UCHL3: variants seen among roughly 807,000 people sequenced by gnomAD.
UCHL3 encodes ubiquitin carboxyl-terminal hydrolase isozyme L3.
In UCHL3, 22 loss-of-function variants were observed where a neutral mutation model predicts 35.8. The ratio of observed to expected loss-of-function variants is 0.61; its 90% CI spans 0.44 to 0.88. The LOEUF (loss-of-function observed/expected upper bound fraction) is 0.88, where lower values mean the gene tolerates loss of function less well. Ranked by LOEUF, UCHL3 falls within the 40% of genes least tolerant of loss-of-function variation. The probability of loss-of-function intolerance (pLI) is 0.00; values close to 1 mark genes in which losing one functional copy is unlikely to be tolerated. For synonymous variants in UCHL3, 90 were observed against 92.8 expected (o/e 0.97, Z 0.17); for missense variants, 229 against 276.9 (o/e 0.83, Z 1.23).
At chr13:75,567,111 A>G (rs1166666660) in intron 4 of UCHL3, 116 bp from the exon 5 acceptor site, 27 of 1,006,322 alleles carry the variant, frequency 2.7e-5, no homozygotes, top group Non-Finnish European at 3.8e-5. Flanking sequence ...TTACATTTCT[A>G]ACCTACCAAT....
intron 2 of UCHL3, among the ~76,000 whole-genome samples, chr13:75,551,373 T>C (rs1380706866): frequency 6.6e-6 from 1 of 151,326 alleles, no homozygotes; most frequent in African/African-American, 2.4e-5. Context: ...GGAGGTTGCA[T>C]TGAGCCGAGA....
chr13:75,562,674 C>G (rs949812222), intron 3 of UCHL3, among the ~76,000 whole-genome samples: 1 of 151,988 alleles, frequency 6.6e-6, no homozygotes, highest in Non-Finnish European at 1.5e-5. Context: ...GATTTGATCT[C>G]TTTCATTTAG....
chr13:75,596,735 G>C (rs1456336785), intron 7 of UCHL3, among the ~76,000 whole-genome samples: 3 of 152,070 alleles, frequency 2.0e-5, no homozygotes, highest in Non-Finnish European at 4.4e-5. Flanking sequence ...AAAAAACTCG[G>C]TTTTACTAGT....
chr13:75,562,419 CA>C (rs945134943), intron 3 of UCHL3, among the ~76,000 whole-genome samples: 2 of 151,986 alleles, frequency 1.3e-5, no homozygotes, highest in Non-Finnish European at 2.9e-5. Context: ...AGAGTTGAGA[CA>C]AAAACTTAAG....
chr13:75,578,844 T>C (rs1178415985), intron 6 of UCHL3, among the ~76,000 whole-genome samples: 1 of 152,044 alleles, frequency 6.6e-6, no homozygotes, highest in Admixed American at 6.6e-5. Context: ...ATATACATAA[T>C]TAAAGATACA....
At chr13:75,590,704 C>G (rs1442779413) in intron 6 of UCHL3, among the ~76,000 whole-genome samples, 1 of 151,950 alleles carries the variant, frequency 6.6e-6, no homozygotes, top group African/African-American at 2.4e-5. Context: ...CTGATCTTTC[C>G]TGCCTATTCA....
chr13:75,579,307 CAA>C (rs2138526102), intron 6 of UCHL3, among the ~76,000 whole-genome samples: 1 of 152,156 alleles, frequency 6.6e-6, no homozygotes, highest in African/African-American at 2.4e-5. Context: ...CCAGTTTTGT[CAA>C]AAGTCTGAAA....
intron 2 of UCHL3, among the ~76,000 whole-genome samples, chr13:75,551,168 G>A (rs539725266): frequency 5.9e-5 from 9 of 152,230 alleles, no homozygotes; most frequent in African/African-American, 2.2e-4. Context: ...GGTGGCTCAC[G>A]CCTGTAATCC....
chr13:75,575,345 C>T lies in UCHL3; in HGVS notation c.474+5838C>T, dbSNP rs558502316. Among the ~76,000 whole-genome samples the T allele has an allele frequency of 5.3e-5, 8 of 152,200 alleles. No homozygotes were observed. In the East Asian group the frequency reaches 5.8e-4, roughly 11 times the overall value. ...ACTGAAAGGTATTGCTTTCATCTTT[C>T]GCTTAAGATTAAAAACATAAAAGAA... is the stretch of plus-strand genomic sequence containing the variant. On this transcript the variant is annotated intron_variant, in intron 6 of 8. Coordinates refer to ENST00000377595, the MANE Select transcript of UCHL3 (RefSeq NM_006002.5).
intron 6 of UCHL3, among the ~76,000 whole-genome samples, chr13:75,575,279 C>G (rs752742777): frequency 6.6e-6 from 1 of 152,190 alleles, no homozygotes; most frequent in Non-Finnish European, 1.5e-5. Flanking sequence ...ATACAGAAAT[C>G]TGAACAGTAG....
At chr13:75,567,340 C>T (rs2031718005) in intron 5 of UCHL3, 28 bp downstream of exon 5, 1 of 1,603,224 alleles carries the variant, frequency 6.2e-7, no homozygotes, top group African/African-American at 1.3e-5. Flanking sequence ...GTTTTGATCT[C>T]ATGTGGGCAA....
intron 6 of UCHL3, among the ~76,000 whole-genome samples, chr13:75,592,802 G>A (rs952584875): frequency 2.6e-5 from 4 of 151,912 alleles, no homozygotes; most frequent in African/African-American, 4.8e-5. Flanking sequence ...GATTAAAGGT[G>A]CAACGATGCA....
intron 7 of UCHL3, among the ~76,000 whole-genome samples, chr13:75,599,127 C>A (rs1566231546): frequency 7.4e-6 from 1 of 135,956 alleles, no homozygotes; most frequent in Non-Finnish European, 1.5e-5. Flanking sequence ...TGCCACCATG[C>A]CTGGCTATTT....
intron 3 of UCHL3, 70 bp from the exon 4 acceptor site, chr13:75,566,625 T>A: frequency 3.0e-6 from 3 of 989,892 alleles, no homozygotes; most frequent in Non-Finnish European, 4.0e-6. Flanking sequence ...TTGCATTTTT[T>A]CTTTTACAGA....
chr13:75,592,567 TTTTA>T (rs1216429975), intron 6 of UCHL3, among the ~76,000 whole-genome samples: 2 of 148,732 alleles, frequency 1.3e-5, no homozygotes, highest in East Asian at 1.9e-4. Context: ...GAAATTTGCT[TTTTA>T]TTTATTTTTC....
intron 2 of UCHL3, among the ~76,000 whole-genome samples, chr13:75,554,514 G>A (rs895645847): frequency 6.6e-6 from 1 of 152,112 alleles, no homozygotes; most frequent in African/African-American, 2.4e-5. Flanking sequence ...TCCAAATACG[G>A]CTATTCCAAA....
intron 6 of UCHL3, among the ~76,000 whole-genome samples, chr13:75,583,184 GCT>G (rs1372116805): frequency 1.3e-5 from 2 of 152,138 alleles, no homozygotes; most frequent in Non-Finnish European, 2.9e-5. Flanking sequence ...GTAGACAAAA[GCT>G]TTGCCTGCCC....
At chr13:75,597,973 A>G (rs567952839) in intron 7 of UCHL3, among the ~76,000 whole-genome samples, 2 of 152,310 alleles carry the variant, frequency 1.3e-5, no homozygotes, top group East Asian at 3.9e-4. Flanking sequence ...GTAAAGGGGA[A>G]GAAGTACATA....
intron 7 of UCHL3, chr13:75,604,517 C>T (rs567876004): frequency 6.9e-5 from 24 of 346,238 alleles, no homozygotes; most frequent in Middle Eastern, 7.8e-4. Context: ...TTTCAGGAAA[C>T]GAAAGCCAGC....
Sources: gnomAD v4.1 joint callset for allele counts (sites outside exome capture counted in the v4.1 genomes callset) on GRCh38, gnomAD v4.1.1 for gene constraint, MANE v1.5 for transcripts, NCBI Gene and HGNC (gene_info 2026-07-23, HGNC 2026-07-21) for gene names.